The following TNR variants were observed in gnomAD, a reference collection of about 807,000 sequenced individuals.
TNR encodes the protein tenascin-R.
In TNR, 45 loss-of-function variants were observed where a neutral mutation model predicts 150.4. The ratio of observed to expected loss-of-function variants is 0.30; its 90% CI spans 0.24 to 0.38. The LOEUF is 0.38. Ranked by LOEUF, TNR falls within the 10% of genes least tolerant of loss-of-function variation. The probability of loss-of-function intolerance (pLI) is 1.00; values close to 1 mark genes in which losing one functional copy is unlikely to be tolerated. For missense variants in TNR, 1,544 were observed against 1,759.1 expected (o/e 0.88, Z 2.19); for synonymous variants, 687 against 678.4 (o/e 1.01, Z -0.20).
intron 1 of TNR, among the ~76,000 whole-genome samples, chr1:175,592,548 G>C (rs1662841440): frequency 6.6e-6 from 1 of 152,364 alleles, no homozygotes; most frequent in East Asian, 1.9e-4. Context: ...TGCTGGGTGA[G>C]ATAGTCTTTG....
chr1:175,670,506 T>A (rs1335551286), intron 1 of TNR, among the ~76,000 whole-genome samples: 1 of 152,244 alleles, frequency 6.6e-6, no homozygotes, highest in Non-Finnish European at 1.5e-5. Flanking sequence ...TAATTGCTTG[T>A]ACATTTACTT....
At chr1:175,501,592 C>T (rs1210994474) in intron 2 of TNR, among the ~76,000 whole-genome samples, 2 of 152,138 alleles carry the variant, frequency 1.3e-5, no homozygotes. Flanking sequence ...TTGTTTTAAG[C>T]CATTAAGTTT....
chr1:175,327,799 C>T (rs908079711), intron 21 of TNR, among the ~76,000 whole-genome samples: 6 of 152,118 alleles, frequency 3.9e-5, no homozygotes, highest in Admixed American at 2.6e-4. Context: ...TCCTCTTCCA[C>T]AAACACCCCT....
At chr1:175,544,024 G>A (rs985817213) in intron 1 of TNR, among the ~76,000 whole-genome samples, 7 of 152,212 alleles carry the variant, frequency 4.6e-5, no homozygotes, top group Non-Finnish European at 7.3e-5. Flanking sequence ...CCAGGGCAGA[G>A]GGTGCAAGAC....
In TNR at chr1:175,365,145, T is replaced by C; in HGVS notation, c.2452A>G (p.Met818Val). 6.2e-7 allele frequency: 1 copy of C among 1,614,106 alleles called. No individual in the cohort carries two copies. The highest frequency in any genetic ancestry group is 1.1e-5 in the South Asian group (1 of 91,072). Residue 818 changes from methionine to valine, a missense_variant, in exon 12 of 23, where the codon ATG becomes GTG. Physicochemically the swap from Met to Val is conservative, Grantham distance 21 (BLOSUM62 1). Coordinates refer to ENST00000367674, the MANE Select transcript of TNR (RefSeq NM_003285.3). Reference sequence around the variant, plus strand: ...TTGGTGGCATCCAGGGAGACCTCCATCATCTCTTCCTCCTCATCCCTGGGG... The same window carrying C: ...TTGGTGGCATCCAGGGAGACCTCCACCATCTCTTCCTCCTCATCCCTGGGG... ...YSPRDEEEEM[M>V]EVSLDATKRH...
At chr1:175,525,635 G>A (rs891945264) in intron 2 of TNR, among the ~76,000 whole-genome samples, 1 of 152,168 alleles carries the variant, frequency 6.6e-6, no homozygotes. Context: ...CCCAAGCCCC[G>A]GGTGCCCTCC....
intron 1 of TNR, among the ~76,000 whole-genome samples, chr1:175,645,584 G>A (rs1365739675): frequency 6.6e-6 from 1 of 152,198 alleles, no homozygotes; most frequent in Non-Finnish European, 1.5e-5. Flanking sequence ...ATGTGAAAAT[G>A]TTCTTCATGT....
At chr1:175,426,456 C>G (rs1557926614) in intron 2 of TNR, among the ~76,000 whole-genome samples, 1 of 152,076 alleles carries the variant, frequency 6.6e-6, no homozygotes, top group South Asian at 2.1e-4. Flanking sequence ...GGTGCAACTG[C>G]CCTTCTCTCC....
At chr1:175,527,659 A>G (rs1384580155) in intron 2 of TNR, among the ~76,000 whole-genome samples, 1 of 152,214 alleles carries the variant, frequency 6.6e-6, no homozygotes, top group Non-Finnish European at 1.5e-5. Flanking sequence ...TGTGCCTGAC[A>G]ACTCTATGAA....
chr1:175,575,222 G>C (rs1417727760), intron 1 of TNR, among the ~76,000 whole-genome samples: 1 of 152,226 alleles, frequency 6.6e-6, no homozygotes, highest in Non-Finnish European at 1.5e-5. Flanking sequence ...GGGTCCCTGA[G>C]AAACTAAAAT....
intron 1 of TNR, among the ~76,000 whole-genome samples, chr1:175,561,319 T>C (rs903251701): frequency 1.8e-4 from 27 of 152,336 alleles, no homozygotes; most frequent in Non-Finnish European, 4.0e-4. Context: ...AAAATGCTAT[T>C]GCTTGTCTGC....
chr1:175,447,797 TCAA>T (rs1303059026), intron 2 of TNR, among the ~76,000 whole-genome samples: 2 of 152,184 alleles, frequency 1.3e-5, no homozygotes, highest in Non-Finnish European at 2.9e-5. Context: ...TGTGTGGAGC[TCAA>T]CAAGGGAAAA....
chr1:175,651,805 G>A (rs935408708), intron 1 of TNR, among the ~76,000 whole-genome samples: 14 of 151,664 alleles, frequency 9.2e-5, no homozygotes, highest in Non-Finnish European at 1.9e-4. Context: ...TATGCACACA[G>A]AAACAAAAAT....
Position 175,331,054 on chromosome 1 carries a change from T to TTTCTTTCCTTCCTTCCTTCC in TNR, c.3632-820_3632-819insGGAAGGAAGGAAGGAAAGAA, listed in dbSNP as rs1571298801. ...CTTTCTTTCTTTCTTTCTTTCTTTC[T>TTTCTTTCCTTCCTTCCTTCC]TTCTTTCTTTCTTTCTTTCTTTCCT... On this transcript the variant is annotated intron_variant, in intron 20 of 22. Coordinates refer to ENST00000367674, the MANE Select transcript of TNR (RefSeq NM_003285.3). Among the ~76,000 whole-genome samples, 6 of 105,728 alleles carry TTTCTTTCCTTCCTTCCTTCC rather than the reference T, an allele frequency of 5.7e-5. 1 individual carries two copies. The highest frequency in any genetic ancestry group is 2.3e-4 in the African/African-American group (6 of 25,936). 69.4% of individuals were successfully genotyped at this position (105,728 alleles called of 152,430 possible).
chr1:175,356,930 A>G (rs1457453303), intron 15 of TNR, among the ~76,000 whole-genome samples: 2 of 152,246 alleles, frequency 1.3e-5, no homozygotes, highest in Non-Finnish European at 2.9e-5. Context: ...CAGAGAACTG[A>G]GAATAATGGA....
At chr1:175,440,886 T>C (rs913292082) in intron 2 of TNR, among the ~76,000 whole-genome samples, 1 of 152,142 alleles carries the variant, frequency 6.6e-6, no homozygotes, top group African/African-American at 2.4e-5. Context: ...TGTCCTTAAG[T>C]AGGAGAGAGG....
At chr1:175,489,087 C>T (rs749823756) in intron 2 of TNR, among the ~76,000 whole-genome samples, 4 of 152,208 alleles carry the variant, frequency 2.6e-5, no homozygotes, top group South Asian at 4.2e-4. Context: ...GTTTAGATGC[C>T]CTTTCAATGC....
Position 175,542,339 on chromosome 1 carries a change from A to G in TNR, c.-164-13970T>C, listed in dbSNP as rs537518174. Among the ~76,000 whole-genome samples, 3 of 152,286 alleles carry G rather than the reference A, an allele frequency of 2.0e-5. No individual in the cohort carries two copies. The South Asian group carries it at 6.2e-4, about 32-fold the overall frequency. ...AGGAAGTTTGGAAGGGGGGTGCTGC[A>G]TGCTTGGAGGCATTTAGCCCACCTC... is the stretch of plus-strand genomic sequence containing the variant. On this transcript the variant is annotated intron_variant, in intron 1 of 22. Coordinates refer to ENST00000367674, the MANE Select transcript of TNR (RefSeq NM_003285.3).
chr1:175,403,870 A>G (rs182696920), intron 3 of TNR, among the ~76,000 whole-genome samples: 45 of 152,328 alleles, frequency 3.0e-4, no homozygotes, highest in Non-Finnish European at 1.6e-4. Context: ...CTGACCTTTA[A>G]GGTGTCTTAG....
Sources: allele counts gnomAD v4.1 joint callset (sites outside exome capture counted in the v4.1 genomes callset), GRCh38; gene constraint gnomAD v4.1.1; transcripts MANE v1.5; gene names NCBI Gene and HGNC (gene_info 2026-07-23, HGNC 2026-07-21).